Variants in RUNX3 observed in about 807,000 individuals in gnomAD.
RUNX3 encodes runt-related transcription factor 3.
Under a neutral mutation model 27.7 loss-of-function variants are expected in RUNX3, and 10 were observed. The ratio of observed to expected loss-of-function variants is 0.36; its 90% confidence interval spans 0.22 to 0.61. RUNX3 has a LOEUF of 0.61. Among genes scored for constraint, RUNX3 ranks in the 20% least tolerant of loss-of-function variants. RUNX3 has a pLI of 0.72. For missense variants in RUNX3, 469 were observed against 629.5 expected, an observed-to-expected ratio of 0.75 and a Z score of 2.73; for synonymous variants, 270 against 269.2, an observed-to-expected ratio of 1.00 and a Z score of -0.03.
At position 24,923,301 on chromosome 1, in the gene RUNX3, TG is replaced by T. The variant is rs1258557221; in HGVS notation, c.440-3958del. Among the ~76,000 whole-genome samples, 2 of 152,036 alleles carry T rather than the reference TG, an allele frequency of 1.3e-5. No individual in the cohort carries two copies. The highest frequency in any genetic ancestry group is 4.8e-5 in the African/African-American group (2 of 41,386). ...CCTGGACCTCGGGAGACAGGGAGCCTGGGGAGCAGGGGTGGGAGAAAGCTGT... is the reference window on the plus strand; with the variant it reads ...CCTGGACCTCGGGAGACAGGGAGCCTGGGAGCAGGGGTGGGAGAAAGCTGT... On this transcript the variant is annotated intron_variant, in intron 2 of 4. Coordinates refer to ENST00000308873, the MANE Select transcript of RUNX3 (RefSeq NM_004350.3). The surrounding 1 kb of genome is among the most constrained non-coding windows in gnomAD (Gnocchi z 5.9).
intron 2 of RUNX3, among the ~76,000 whole-genome samples, chr1:24,957,303 T>G (rs561194217): frequency 6.6e-6 from 1 of 152,296 alleles, no homozygotes; most frequent in Non-Finnish European, 1.5e-5. Context: ...TGGAAAACTC[T>G]CAGGCTGACC....
At chr1:24,911,852 C>T (rs1170862367) in intron 3 of RUNX3, among the ~76,000 whole-genome samples, 6 of 152,350 alleles carry the variant, frequency 3.9e-5, no homozygotes, top group Admixed American at 2.0e-4. Flanking sequence ...AATCTGACCC[C>T]GGAACCCACG....
At chr1:24,931,841 C>T (rs982182863), upstream of RUNX3, among the ~76,000 whole-genome samples, 15 of 152,200 alleles carry the variant, frequency 9.9e-5, no homozygotes, top group African/African-American at 3.6e-4. Context: ...AAAGGAAGGA[C>T]GGCAAAGGTC....
chr1:24,940,939 A>G (rs1641461281), intron 2 of RUNX3, among the ~76,000 whole-genome samples: 1 of 152,210 alleles, frequency 6.6e-6, no homozygotes, highest in East Asian at 1.9e-4. Context: ...ATTCTTCTGT[A>G]CATGTATTTT....
chr1:24,902,931 G>C lies in RUNX3; in HGVS notation c.704-265C>G, dbSNP rs992462352. On this transcript the variant is annotated intron_variant, in intron 4 of 4. Transcript: ENST00000308873. This position sits in a 1 kb window ranked among gnomAD's most constrained non-coding sequence, Gnocchi z 9.2. The stretch of plus-strand genomic sequence containing the variant: ...CACAGCAGCAACAGAACAGAGGAGG[G>C]GGTCTATTCTTCTTTTTAAATCCTC... 5.3e-5 allele frequency among the ~76,000 whole-genome samples: 8 copies of C among 152,200 alleles called. No individual in the cohort carries two copies. The highest frequency in any genetic ancestry group is 1.9e-4 in the African/African-American group (8 of 41,448).
upstream of RUNX3, among the ~76,000 whole-genome samples, chr1:24,931,395 C>G (rs1287023723): frequency 6.6e-6 from 1 of 152,206 alleles, no homozygotes; most frequent in East Asian, 1.9e-4. Flanking sequence ...TGCAAATCAC[C>G]CCTTCCTCTC....
chr1:24,919,368 C>T (rs775540070), intron 2 of RUNX3, 24 bp from the exon 3 acceptor site: 1 of 1,551,352 alleles, frequency 6.4e-7, no homozygotes, highest in South Asian at 1.1e-5. Flanking sequence ...GGAATAGAGG[C>T]AGGTGGTTGG....
At chr1:24,937,699 C>T (rs1036948956) in intron 2 of RUNX3, among the ~76,000 whole-genome samples, 1 of 152,226 alleles carries the variant, frequency 6.6e-6, no homozygotes, top group Non-Finnish European at 1.5e-5. Flanking sequence ...TGCTCTATTC[C>T]CAGATAACAG....
chr1:24,957,169 A>G (rs1382696996), intron 2 of RUNX3, among the ~76,000 whole-genome samples: 1 of 152,236 alleles, frequency 6.6e-6, no homozygotes, highest in Non-Finnish European at 1.5e-5. Context: ...ACTCGAAAGA[A>G]AACCCCAAAG....
intron 3 of RUNX3, among the ~76,000 whole-genome samples, chr1:24,909,705 C>A (rs1202846492): frequency 6.6e-6 from 1 of 152,242 alleles, no homozygotes; most frequent in South Asian, 2.1e-4. Flanking sequence ...ATGCAACACT[C>A]CCGGGAACGT....
rs772988966 is a variant in RUNX3 at position 24,916,844 on chromosome 1, T to A, written c.544+2396A>T. On this transcript the variant is annotated intron_variant, in intron 3 of 4. Coordinates refer to ENST00000308873, the MANE Select transcript of RUNX3 (RefSeq NM_004350.3). This position sits in a 1 kb window ranked among gnomAD's most constrained non-coding sequence, Gnocchi z 4.8. ...CCTGTCTCAGGTGGTGCAGCAAGCC[T>A]GGCTTCTGACGCCGTGGGTCTCCAG... Among the ~76,000 whole-genome samples the A allele has an allele frequency of 1.3e-5, 2 of 152,154 alleles. No homozygotes were observed. Among genetic ancestry groups the A allele is most frequent in the African/African-American group, 4.8e-5 (2 of 41,430 alleles).
At chr1:24,907,964 G>A (rs1160441766) in intron 3 of RUNX3, among the ~76,000 whole-genome samples, 1 of 147,376 alleles carries the variant, frequency 6.8e-6, no homozygotes, top group East Asian at 2.0e-4. Context: ...TCAACCACAC[G>A]CGGTGATCTA....
intron 2 of RUNX3, among the ~76,000 whole-genome samples, chr1:24,957,472 C>T (rs2124380400): frequency 6.6e-6 from 1 of 152,294 alleles, no homozygotes; most frequent in East Asian, 1.9e-4. Context: ...CCTTTGGACA[C>T]CTGTGGGGTG....
chr1:24,946,052 T>C (rs1424323453), intron 2 of RUNX3, among the ~76,000 whole-genome samples: 1 of 152,132 alleles, frequency 6.6e-6, no homozygotes, highest in Non-Finnish European at 1.5e-5. Context: ...TGAGAATGAA[T>C]GAATGAATGA....
intron 3 of RUNX3, among the ~76,000 whole-genome samples, chr1:24,918,171 A>G (rs908181328): frequency 6.6e-6 from 1 of 152,132 alleles, no homozygotes; most frequent in Non-Finnish European, 1.5e-5. Flanking sequence ...CAGGAATTGG[A>G]TGATGGGGTG....
chr1:24,942,703 G>T (rs1318498646), intron 2 of RUNX3, among the ~76,000 whole-genome samples: 4 of 152,180 alleles, frequency 2.6e-5, no homozygotes, highest in Non-Finnish European at 5.9e-5. Flanking sequence ...CTTTCTCTCT[G>T]TTGCTTCTCC....
intron 2 of RUNX3, among the ~76,000 whole-genome samples, chr1:24,957,730 G>C (rs182593103): frequency 6.6e-6 from 1 of 152,202 alleles, no homozygotes; most frequent in African/African-American, 2.4e-5. Context: ...CTGTGCACGT[G>C]ATACACACTA....
intron 2 of RUNX3, among the ~76,000 whole-genome samples, chr1:24,937,042 G>A (rs1031418729): frequency 1.3e-5 from 2 of 152,206 alleles, no homozygotes; most frequent in Admixed American, 6.5e-5. Context: ...GGCAACAGTC[G>A]GTCTTTTATG....
chr1:24,917,152 AC>A (rs1392459946), intron 3 of RUNX3, among the ~76,000 whole-genome samples: 1 of 151,848 alleles, frequency 6.6e-6, no homozygotes, highest in Non-Finnish European at 1.5e-5. Flanking sequence ...AAGCGTCAAG[AC>A]CCCGTCCCGT....
Sources: allele counts gnomAD v4.1 joint callset (sites outside exome capture counted in the v4.1 genomes callset), GRCh38; gene constraint gnomAD v4.1.1; non-coding constraint Gnocchi (gnomAD v3.1); transcripts MANE v1.5; gene names NCBI Gene and HGNC (gene_info 2026-07-23, HGNC 2026-07-21).